The following CNBD1 variants were observed in gnomAD, a reference collection of about 807,000 sequenced individuals.
CNBD1 encodes cyclic nucleotide binding domain containing 1, also known as cyclic nucleotide-binding domain-containing protein 1.
A neutral mutation model predicts 54.4 loss-of-function variants in CNBD1; 71 were observed. The observed-to-expected ratio is 1.30, with a 90% CI of 1.08 to 1.59. The LOEUF is 1.59. Ranked by LOEUF, CNBD1 falls within the 40% of genes most tolerant of loss-of-function variation. The pLI, the probability that CNBD1 is intolerant of heterozygous loss-of-function variation, is 0.00. For missense variants in CNBD1, 659 were observed against 518.0 expected (o/e 1.27, Z -2.64); for synonymous variants, 182 against 170.7 (o/e 1.07, Z -0.51).
At chr8:86,996,256 G>T (rs902675445) in intron 4 of CNBD1, among the ~76,000 whole-genome samples, 3 of 152,224 alleles carry the variant, frequency 2.0e-5, no homozygotes, top group South Asian at 2.1e-4. Context: ...GGTCTTATTT[G>T]TGCTTCTGTT....
chr8:87,376,134 T>G (rs192485621), intron 10 of CNBD1, among the ~76,000 whole-genome samples: 35 of 151,996 alleles, frequency 2.3e-4, no homozygotes, highest in African/African-American at 8.4e-4. Context: ...GGAAATATAG[T>G]TTAGATGAGC....
intron 2 of CNBD1, among the ~76,000 whole-genome samples, chr8:87,427,548 A>G (rs187939023): frequency 2.0e-5 from 3 of 152,208 alleles, no homozygotes; most frequent in Non-Finnish European, 4.4e-5. Flanking sequence ...GGGAATAAAA[A>G]TGATCAAAAC....
intron 2 of CNBD1, among the ~76,000 whole-genome samples, chr8:87,399,250 A>T (rs2130975881): frequency 6.6e-6 from 1 of 152,116 alleles, no homozygotes; most frequent in East Asian, 1.9e-4. Flanking sequence ...TAAGAATTTT[A>T]AAACAGCTGC....
At chr8:87,213,748 C>T (rs751624880) in intron 5 of CNBD1, among the ~76,000 whole-genome samples, 1 of 152,170 alleles carries the variant, frequency 6.6e-6, no homozygotes, top group Non-Finnish European at 1.5e-5. Flanking sequence ...CCAATCATGT[C>T]TTCCCAACAA....
At position 87,266,137 on chromosome 8, in the gene CNBD1, A is replaced by T. The variant is rs151063213; in HGVS notation, c.772-18541A>T. Among the ~76,000 whole-genome samples, 1,121 of 152,132 alleles carry T rather than the reference A, an allele frequency of 7.4e-3. 8 individuals are homozygous for T. Among genetic ancestry groups the T allele is most frequent in the Non-Finnish European group, 0.01 (700 of 68,008 alleles). On this transcript the variant is annotated intron_variant, in intron 6 of 10. Coordinates refer to ENST00000518476, the MANE Select transcript of CNBD1 (RefSeq NM_173538.3). ...CATGAACAGAAACATTCAATATCTT[A>T]AAGATAAGTGTCCCCTAATGATTTA...
chr8:87,098,357 C>T (rs1014211948), intron 4 of CNBD1, among the ~76,000 whole-genome samples: 4 of 152,088 alleles, frequency 2.6e-5, no homozygotes, highest in Admixed American at 2.6e-4. Flanking sequence ...AGAGAGGTAG[C>T]CCCACTCTGA....
intron 8 of CNBD1, among the ~76,000 whole-genome samples, chr8:87,335,014 G>A (rs1041387227): frequency 1.3e-5 from 2 of 152,062 alleles, no homozygotes; most frequent in Non-Finnish European, 2.9e-5. Context: ...ATGAGCCACT[G>A]TGCCCAGCCA....
intron 5 of CNBD1, among the ~76,000 whole-genome samples, chr8:87,223,217 T>G (rs893991154): frequency 1.4e-5 from 2 of 146,814 alleles, no homozygotes; most frequent in African/African-American, 2.5e-5. Context: ...TGGCTGAAGT[T>G]TTTTTTTTTA....
At chr8:87,018,101 G>A (rs1029401255) in intron 4 of CNBD1, among the ~76,000 whole-genome samples, 6 of 152,102 alleles carry the variant, frequency 3.9e-5, no homozygotes, top group Non-Finnish European at 7.3e-5. Context: ...AAATTAGCCA[G>A]GCATGGTGGC....
At chr8:87,424,398 C>G (rs1287482425) in intron 2 of CNBD1, among the ~76,000 whole-genome samples, 3 of 152,128 alleles carry the variant, frequency 2.0e-5, no homozygotes, top group Admixed American at 6.5e-5. Flanking sequence ...TTCCTGCTTT[C>G]TCTTGTGGGC....
rs142149794 is a variant in CNBD1, at chr8:87,280,310, T to G, written c.772-4368T>G. Among the ~76,000 whole-genome samples the G allele has an allele frequency of 3.2e-3, 478 of 151,710 alleles. 6 individuals are homozygous for G. The highest frequency in any genetic ancestry group is 0.011 in the African/African-American group (450 of 41,506). Reference sequence around the variant, plus strand: ...AATAATTTTTTTCAATCTGGAGCAGTGCTTATTACTCTTCTTTGGAGACTT... The same window carrying G: ...AATAATTTTTTTCAATCTGGAGCAGGGCTTATTACTCTTCTTTGGAGACTT... On this transcript the variant is annotated intron_variant, in intron 6 of 10. Coordinates refer to ENST00000518476, the MANE Select transcript of CNBD1 (RefSeq NM_173538.3).
intron 6 of CNBD1, among the ~76,000 whole-genome samples, chr8:87,247,741 C>A (rs1365824400): frequency 6.6e-6 from 1 of 152,156 alleles, no homozygotes; most frequent in Non-Finnish European, 1.5e-5. Context: ...TGCTCTGCAT[C>A]CATTTCCTCA....
At chr8:87,040,507 T>A (rs1586216189) in intron 4 of CNBD1, among the ~76,000 whole-genome samples, 1 of 148,890 alleles carries the variant, frequency 6.7e-6, no homozygotes, top group Non-Finnish European at 1.5e-5. Flanking sequence ...CACTACAAGC[T>A]CCGCCTTCCA....
At chr8:87,243,097 G>A (rs1291639289) in intron 6 of CNBD1, among the ~76,000 whole-genome samples, 1 of 152,126 alleles carries the variant, frequency 6.6e-6, no homozygotes, top group African/African-American at 2.4e-5. Context: ...TCTAACCTGT[G>A]TTATCAGCAC....
At chr8:87,282,973 C>G (rs562026858) in intron 6 of CNBD1, among the ~76,000 whole-genome samples, 1 of 152,114 alleles carries the variant, frequency 6.6e-6, no homozygotes, top group South Asian at 2.1e-4. Context: ...TTCCCTCAGC[C>G]CTGGAAAACT....
chr8:87,303,536 G>C lies in CNBD1; in HGVS notation c.1042+16865G>C, dbSNP rs62528136. On this transcript the variant is annotated intron_variant, in intron 8 of 10. Coordinates refer to ENST00000518476, the MANE Select transcript of CNBD1 (RefSeq NM_173538.3). ...TTAGACCTAAAACCATAAAAACCCTGGAAGAAAACCTAGGCAATACCATTC... is the reference window on the plus strand; with the variant it reads ...TTAGACCTAAAACCATAAAAACCCTCGAAGAAAACCTAGGCAATACCATTC... Among the ~76,000 whole-genome samples the C allele has an allele frequency of 6.2e-3, 945 of 151,946 alleles. 3 individuals are homozygous for C. The highest frequency in any genetic ancestry group is 0.011 in the Non-Finnish European group (741 of 67,898).
At chr8:87,380,997 G>A (rs139110948) in intron 10 of CNBD1, among the ~76,000 whole-genome samples, 1 of 151,946 alleles carries the variant, frequency 6.6e-6, no homozygotes, top group Non-Finnish European at 1.5e-5. Flanking sequence ...TGACTTCATG[G>A]ATGTGACACC....
At chr8:87,294,768 A>G (rs1808848207) in intron 8 of CNBD1, among the ~76,000 whole-genome samples, 1 of 152,144 alleles carries the variant, frequency 6.6e-6, no homozygotes, top group Non-Finnish European at 1.5e-5. Context: ...AAGGCTTCTT[A>G]TGGGCCTGTT....
intron 4 of CNBD1, among the ~76,000 whole-genome samples, chr8:87,123,098 A>G (rs1267468343): frequency 6.6e-6 from 1 of 151,840 alleles, no homozygotes; most frequent in African/African-American, 2.4e-5. Context: ...TGGAATTTTG[A>G]CAGAGAATGC....
Sources: gnomAD v4.1 joint callset for allele counts (sites outside exome capture counted in the v4.1 genomes callset) on GRCh38, gnomAD v4.1.1 for gene constraint, MANE v1.5 for transcripts, NCBI Gene and HGNC (gene_info 2026-07-23, HGNC 2026-07-21) for gene names.